Variants in LIMCH1 observed in about 807,000 individuals in gnomAD.
The protein encoded by LIMCH1 is LIM and calponin homology domains 1, also known as LIM and calponin homology domains-containing protein 1.
LIMCH1 carries 113 observed loss-of-function variants against 176.5 expected under a neutral mutation model. The ratio of observed to expected loss-of-function variants is 0.64; its 90% CI spans 0.55 to 0.75. LIMCH1 has a LOEUF of 0.75. LIMCH1 is among the 30% of genes least tolerant of loss of function. The probability of loss-of-function intolerance (pLI) is 0.00; values close to 1 mark genes in which losing one functional copy is unlikely to be tolerated. For missense variants in LIMCH1, 1,674 were observed against 1,814.9 expected (o/e 0.92, Z 1.41); for synonymous variants, 619 against 645.9 (o/e 0.96, Z 0.63).
chr4:41,586,104 C>T (rs1204550254), intron 1 of LIMCH1, among the ~76,000 whole-genome samples: 2 of 137,840 alleles, frequency 1.5e-5, no homozygotes, highest in African/African-American at 2.7e-5. Context: ...CACTCCCCTC[C>T]CCTCCTCTCC....
chr4:41,689,443 T>G (rs764341608), intron 29 of LIMCH1, 84 bp from the exon 30 acceptor site: 3 of 713,284 alleles, frequency 4.2e-6, no homozygotes, highest in South Asian at 1.6e-5. Flanking sequence ...CATATTTTCA[T>G]TTTTGCATGA....
chr4:41,608,673 A>T (rs1353702313), intron 4 of LIMCH1, among the ~76,000 whole-genome samples: 1 of 151,378 alleles, frequency 6.6e-6, no homozygotes, highest in African/African-American at 2.4e-5. Context: ...CTACTGCTGT[A>T]TTTTTTTTTA....
chr4:41,372,994 GT>G (rs1395147628), intron 1 of LIMCH1, among the ~76,000 whole-genome samples: 1 of 152,170 alleles, frequency 6.6e-6, no homozygotes, highest in African/African-American at 2.4e-5. Context: ...TCATCATATA[GT>G]TATTGAGCGT....
chr4:41,692,227 T>C, intron 30 of LIMCH1, 55 bp from the exon 31 acceptor site: 1 of 1,026,480 alleles, frequency 9.7e-7, no homozygotes, highest in Non-Finnish European at 1.6e-6. Flanking sequence ...AACTAAGCAT[T>C]AGAAAGAAAC....
chr4:41,636,462 C>T (rs186107801), intron 13 of LIMCH1, among the ~76,000 whole-genome samples: 1 of 149,998 alleles, frequency 6.7e-6, no homozygotes, highest in Non-Finnish European at 1.5e-5. Context: ...GGCAATTCTG[C>T]TTAAGTTGGT....
In LIMCH1 at chr4:41,447,568, G is replaced by A. The variant is rs146134007; in HGVS notation, c.97-46968G>A. ...ATCTGCTCTTAAAAATCTGTTTTTC[G>A]TAATACAGAACATATGTTAATCGTC... On this transcript the variant is annotated intron_variant, in intron 1 of 26. Transcript: ENST00000313860. 5.6e-4 allele frequency among the ~76,000 whole-genome samples: 85 copies of A among 152,258 alleles called. No homozygotes were observed. In the East Asian group the frequency reaches 6.2e-3, roughly 11 times the overall value.
intron 17 of LIMCH1, among the ~76,000 whole-genome samples, chr4:41,647,583 C>T (rs1208170405): frequency 6.6e-6 from 1 of 152,230 alleles, no homozygotes; most frequent in African/African-American, 2.4e-5. Flanking sequence ...AGGAAGCACT[C>T]ATCCTTTGTC....
intron 1 of LIMCH1, among the ~76,000 whole-genome samples, chr4:41,481,600 A>G (rs2068639584): frequency 6.6e-6 from 1 of 152,158 alleles, no homozygotes. Context: ...TGGCAACTGC[A>G]GTTGTCTGGC....
At chr4:41,487,712 G>T (rs1365807903) in intron 1 of LIMCH1, among the ~76,000 whole-genome samples, 1 of 139,454 alleles carries the variant, frequency 7.2e-6, no homozygotes, top group Non-Finnish European at 1.5e-5. Context: ...AGGCTGGAGT[G>T]CAGTGGTGTG....
At chr4:41,627,905 G>A (rs920385409) in intron 8 of LIMCH1, among the ~76,000 whole-genome samples, 1 of 152,174 alleles carries the variant, frequency 6.6e-6, no homozygotes, top group Non-Finnish European at 1.5e-5. Context: ...AATTATCTCA[G>A]CTGTGCTTTA....
chr4:41,592,489 G>A (rs976148337), intron 1 of LIMCH1, among the ~76,000 whole-genome samples: 2 of 151,860 alleles, frequency 1.3e-5, no homozygotes, highest in Non-Finnish European at 2.9e-5. Flanking sequence ...CATCTCCTAT[G>A]TAACTGGCAA....
chr4:41,416,033 A>G (rs975650650), intron 1 of LIMCH1, among the ~76,000 whole-genome samples: 8 of 151,640 alleles, frequency 5.3e-5, no homozygotes, highest in African/African-American at 1.9e-4. Context: ...CTTTGAGGGT[A>G]TTTTATGTAT....
rs1395863217 is a variant in LIMCH1 at position 41,598,925 on chromosome 4, T to C, written c.-235T>C. The C allele has an allele frequency of 6.3e-7, 1 of 1,592,770 alleles. No individual in the cohort carries two copies. Among genetic ancestry groups the C allele is most frequent in the African/African-American group, 1.3e-5 (1 of 74,430 alleles). On this transcript the variant is annotated 5_prime_UTR_variant, in exon 2 of 32. Transcript: ENST00000503057. ...ATTTCTTTTTTTCCTTCTAGGACAATATTATCTTATTCTTGAGAGGTTGTA... is the reference window on the plus strand; with the variant it reads ...ATTTCTTTTTTTCCTTCTAGGACAACATTATCTTATTCTTGAGAGGTTGTA...
chr4:41,515,583 A>G lies in LIMCH1; in HGVS notation c.168-8826A>G, dbSNP rs185130088. Among the ~76,000 whole-genome samples the G allele has an allele frequency of 1.4e-3, 212 of 152,364 alleles. 1 individual carries two copies. Among genetic ancestry groups the G allele is most frequent in the African/African-American group, 4.9e-3 (204 of 41,586 alleles). Reference sequence around the variant, plus strand: ...ACCGGGCCTGTGCCAAGTGCATTACATGCATTGTTTTACTTATTCCACATC... The same window carrying G: ...ACCGGGCCTGTGCCAAGTGCATTACGTGCATTGTTTTACTTATTCCACATC... On this transcript the variant is annotated intron_variant, in intron 2 of 26. Transcript: ENST00000313860.
chr4:41,695,747 A>T (rs2153100682), intron 31 of LIMCH1, among the ~76,000 whole-genome samples: 1 of 152,240 alleles, frequency 6.6e-6, no homozygotes, highest in South Asian at 2.1e-4. Flanking sequence ...CTCATGACAG[A>T]GAGAATGACC....
chr4:41,663,055 G>A (rs1441217715), intron 20 of LIMCH1, 71 bp downstream of exon 20: 1 of 1,390,494 alleles, frequency 7.2e-7, no homozygotes, highest in Non-Finnish European at 1.0e-6. Context: ...GCTAGCTGCT[G>A]CTGTGGCAGT....
intron 1 of LIMCH1, among the ~76,000 whole-genome samples, chr4:41,403,619 C>T (rs1409449074): frequency 1.3e-5 from 2 of 152,162 alleles, no homozygotes; most frequent in African/African-American, 4.8e-5. Flanking sequence ...AGAGACCCAT[C>T]AGTGTTTTGT....
chr4:41,513,488 G>C (rs1481080510), intron 2 of LIMCH1, among the ~76,000 whole-genome samples: 1 of 152,110 alleles, frequency 6.6e-6, no homozygotes, highest in Admixed American at 6.5e-5. Context: ...CATAAAAAAA[G>C]AAGGACCCAG....
chr4:41,494,900 A>T (rs751345493), intron 2 of LIMCH1, among the ~76,000 whole-genome samples: 1 of 152,224 alleles, frequency 6.6e-6, no homozygotes, highest in Non-Finnish European at 1.5e-5. Context: ...TGTAATTGTA[A>T]GGGTGGACCT....
Sources: gnomAD v4.1 joint callset for allele counts (sites outside exome capture counted in the v4.1 genomes callset) on GRCh38, gnomAD v4.1.1 for gene constraint, MANE v1.5 for transcripts, NCBI Gene and HGNC (gene_info 2026-07-23, HGNC 2026-07-21) for gene names.